MTMR7: variants seen among roughly 807,000 people sequenced by gnomAD.
The protein encoded by MTMR7 is myotubularin related protein 7, also known as phosphatidylinositol-3-phosphate phosphatase MTMR7.
In MTMR7, 76 loss-of-function variants were observed where a neutral mutation model predicts 81.2. That is an observed-to-expected ratio of 0.94 (90% CI 0.78 to 1.13). The LOEUF (loss-of-function observed/expected upper bound fraction) is 1.13, where lower values mean the gene tolerates loss of function less well. Among genes scored for constraint, MTMR7 ranks in the 50% most tolerant of loss-of-function variants. The pLI is 0.00. For missense variants in MTMR7, 1,044 were observed against 820.0 expected (o/e 1.27, Z -3.34); for synonymous variants, 372 against 289.8 (o/e 1.28, Z -2.88).
Position 17,404,715 on chromosome 8 carries a change from G to T in MTMR7, c.24+8554C>A, listed in dbSNP as rs191625961. 3.3e-5 allele frequency among the ~76,000 whole-genome samples: 5 copies of T among 152,196 alleles called. No individual in the cohort carries two copies. In the Middle Eastern group the frequency reaches 0.014, roughly 414 times the overall value. On this transcript the variant is annotated intron_variant, in intron 1 of 13. Transcript: ENST00000180173. ...TATATATAGAAATGAAACCAGAAAA[G>T]ATACCTGAGAAACTTAATCTCAGGT...
chr8:17,408,677 G>A (rs1016293132), intron 1 of MTMR7, among the ~76,000 whole-genome samples: 28 of 152,132 alleles, frequency 1.8e-4, no homozygotes, highest in Non-Finnish European at 4.1e-4. Context: ...CAAACTGACA[G>A]GAACAGCAGA....
At position 17,313,374 on chromosome 8, in the gene MTMR7, C is replaced by T. The variant is rs1817895487; in HGVS notation, c.893G>A (p.Ser298Asn). 6.2e-7 allele frequency: 1 copy of T among 1,612,078 alleles called. No homozygotes were observed. Among genetic ancestry groups the T allele is most frequent in the Non-Finnish European group, 8.5e-7 (1 of 1,178,594 alleles). ...EVCELKSPSM[S>N]DFLWGLENSG... ...GTTCTCCAGACCCCACAGGAAATCA[C>T]TCATGGAGGGAGATTTAAGTTCACA... The change falls in exon 8 of 14, where the codon AGT becomes AAT. Residue 298 changes from serine to asparagine, a missense_variant. Physicochemically the swap from Ser to Asn is conservative, Grantham distance 46. Transcript: ENST00000180173.
chr8:17,387,816 G>A (rs79034682), intron 1 of MTMR7, among the ~76,000 whole-genome samples: 1,547 of 152,220 alleles, frequency 0.01, 13 homozygotes, highest in East Asian at 0.025. Context: ...TTCAGATAAG[G>A]ATTATTGTAT....
At chr8:17,372,913 T>A in intron 2 of MTMR7, 1 of 537,966 alleles carries the variant, frequency 1.9e-6, no homozygotes, top group Non-Finnish European at 3.2e-6. Context: ...TCACTGATGT[T>A]CAAATAATTC....
intron 1 of MTMR7, among the ~76,000 whole-genome samples, chr8:17,403,424 C>T (rs1411341675): frequency 1.3e-5 from 2 of 152,104 alleles, no homozygotes; most frequent in Non-Finnish European, 2.9e-5. Context: ...TTTTTCTGTT[C>T]CAGCGGTCTA....
rs186332062 is a variant in MTMR7 at position 17,337,137 on chromosome 8, C to T, written c.732+4226G>A. 4.5e-3 allele frequency among the ~76,000 whole-genome samples: 692 copies of T among 152,134 alleles called. 4 individuals are homozygous for T. The highest frequency in any genetic ancestry group is 0.016 in the African/African-American group (664 of 41,514). On this transcript the variant is annotated intron_variant, in intron 6 of 13. Transcript: ENST00000180173. ...CTGTAATCCTAGCACTTTGGGAGGC[C>T]GAGAAGGGCGGATCACCTGAGGTCA...
intron 1 of MTMR7, among the ~76,000 whole-genome samples, chr8:17,393,019 T>G (rs898420555): frequency 6.6e-6 from 1 of 152,222 alleles, no homozygotes. Flanking sequence ...ACCAAAGCTT[T>G]CAAGATCATA....
chr8:17,362,089 C>T (rs1170947845), intron 3 of MTMR7, among the ~76,000 whole-genome samples: 1 of 152,044 alleles, frequency 6.6e-6, no homozygotes, highest in Non-Finnish European at 1.5e-5. Flanking sequence ...CCAGCGCTAT[C>T]CAACAGAAAT....
chr8:17,300,307 C>T, intron 13 of MTMR7, 83 bp from the exon 14 acceptor site: 2 of 1,377,544 alleles, frequency 1.5e-6, no homozygotes, highest in Non-Finnish European at 2.0e-6. Context: ...GCATTTGTTA[C>T]CTCCCACGTG....
chr8:17,307,884 T>G (rs926090422), intron 10 of MTMR7, among the ~76,000 whole-genome samples: 2 of 146,870 alleles, frequency 1.4e-5, no homozygotes, highest in East Asian at 2.0e-4. Flanking sequence ...CCGGGGACTG[T>G]TGTGGGGTGG....
intron 1 of MTMR7, among the ~76,000 whole-genome samples, chr8:17,407,697 T>C (rs998455721): frequency 3.3e-5 from 5 of 152,086 alleles, no homozygotes; most frequent in African/African-American, 9.6e-5. Flanking sequence ...TGGGTGATCC[T>C]AAATTTCTAA....
At chr8:17,391,553 T>C (rs1406166203) in intron 1 of MTMR7, among the ~76,000 whole-genome samples, 1 of 152,130 alleles carries the variant, frequency 6.6e-6, no homozygotes, top group Non-Finnish European at 1.5e-5. Flanking sequence ...AAAGGATATA[T>C]GCATCAATAG....
Position 17,363,389 on chromosome 8 carries a change from A to C in MTMR7, c.311-2115T>G, listed in dbSNP as rs192294273. Among the ~76,000 whole-genome samples, 80 of 152,320 alleles carry C rather than the reference A, an allele frequency of 5.3e-4. 1 individual carries two copies. In the South Asian group the frequency reaches 9.5e-3, roughly 18 times the overall value. On this transcript the variant is annotated intron_variant, in intron 3 of 13. Transcript: ENST00000180173. ...AATGGCAGTTAAGTTCTCTTTGTTA[A>C]ATATTTACAAATAGCTTTAAAGGTA...
chr8:17,337,216 T>G (rs1325674872), intron 6 of MTMR7, among the ~76,000 whole-genome samples: 1 of 151,768 alleles, frequency 6.6e-6, no homozygotes, highest in African/African-American at 2.4e-5. Flanking sequence ...TACAAAAAAA[T>G]TAGCCGGGCG....
At chr8:17,313,895 G>C (rs1361810233) in intron 7 of MTMR7, among the ~76,000 whole-genome samples, 1 of 152,142 alleles carries the variant, frequency 6.6e-6, no homozygotes, top group Non-Finnish European at 1.5e-5. Context: ...AAATGAAAAT[G>C]ATCAAACTCC....
chr8:17,369,009 C>T (rs1364663370), intron 3 of MTMR7, among the ~76,000 whole-genome samples: 1 of 152,232 alleles, frequency 6.6e-6, no homozygotes, highest in Non-Finnish European at 1.5e-5. Flanking sequence ...TATCTCTGGG[C>T]CATGACCCTC....
In MTMR7 at chr8:17,413,335, C is replaced by A. The variant is rs1048424962; in HGVS notation, c.-43G>T. ...AGGGTCCCGGGCGGGCGCGGCCTCA[C>A]GCACCTGCGCGCCTCTGCGGCGCGA... On this transcript the variant is annotated 5_prime_UTR_variant, in exon 1 of 14. Transcript: ENST00000180173. 2.0e-6 allele frequency: 3 copies of A among 1,510,006 alleles called. No homozygotes were observed. The highest frequency in any genetic ancestry group is 1.8e-6 in the Non-Finnish European group (2 of 1,128,926). 93.5% of individuals were successfully genotyped at this position (1,510,006 alleles called of 1,614,324 possible).
intron 5 of MTMR7, among the ~76,000 whole-genome samples, chr8:17,342,923 G>T (rs997252035): frequency 6.6e-6 from 1 of 151,982 alleles, no homozygotes; most frequent in African/African-American, 2.4e-5. Flanking sequence ...AGGAGCAAGG[G>T]GAAGTGAAGA....
Position 17,313,298 on chromosome 8 carries a change from A to T in MTMR7, c.969T>A (p.Ile323=). 1.2e-6 allele frequency: 2 copies of T among 1,609,870 alleles called. No individual in the cohort carries two copies. Among genetic ancestry groups the T allele is most frequent in the Non-Finnish European group, 1.7e-6 (2 of 1,176,592 alleles). ...IKAIMDAGIF[I]AKAVSEEGAS... ...TTTCTCTGCAATTGCATACCTTTGC[A>T]ATGAAGATTCCTGCATCCATTATGG... The change falls in exon 8 of 14, where the codon ATT becomes ATA. Residue 323 remains isoleucine, a synonymous_variant. Coordinates refer to ENST00000180173, the MANE Select transcript of MTMR7 (RefSeq NM_004686.5).
Sources: allele counts gnomAD v4.1 joint callset (sites outside exome capture counted in the v4.1 genomes callset), GRCh38; gene constraint gnomAD v4.1.1; transcripts MANE v1.5; gene names NCBI Gene and HGNC (gene_info 2026-07-23, HGNC 2026-07-21).